Variants in AUH observed in about 807,000 individuals in gnomAD.
AUH encodes methylglutaconyl-CoA hydratase, mitochondrial.
AUH carries 29 observed loss-of-function variants against 42.3 expected under a neutral mutation model. That is an observed-to-expected ratio of 0.69 (90% confidence interval 0.51 to 0.93). The LOEUF is 0.93. Ranked by LOEUF, AUH falls within the 40% of genes least tolerant of loss-of-function variation. AUH has a pLI of 0.00. For synonymous variants in AUH, 174 were observed against 166.4 expected (o/e 1.05, Z -0.35); for missense variants, 452 against 438.1 (o/e 1.03, Z -0.28).
intron 3 of AUH, among the ~76,000 whole-genome samples, chr9:91,338,331 T>C (rs1297851835): frequency 1.3e-5 from 2 of 152,216 alleles, no homozygotes; most frequent in Non-Finnish European, 2.9e-5. Context: ...ATGCAAACTA[T>C]AGTAACACCT....
At position 91,233,072 on chromosome 9, in the gene AUH, A is replaced by C. The variant is rs1347366005; in HGVS notation, c.656-12080T>G. On this transcript the variant is annotated intron_variant, in intron 6 of 9. Coordinates refer to ENST00000375731, the MANE Select transcript of AUH (RefSeq NM_001698.3). Reference sequence around the variant, plus strand: ...GGACCCTGTTTTGGTACATGGATACATCCATGAACAAAACAAAGCCCCTGG... The same window carrying C: ...GGACCCTGTTTTGGTACATGGATACCTCCATGAACAAAACAAAGCCCCTGG... 3.9e-5 allele frequency among the ~76,000 whole-genome samples: 6 copies of C among 152,300 alleles called. No homozygotes were observed. In the South Asian group the frequency reaches 1.2e-3, roughly 32 times the overall value.
At chr9:91,300,364 T>C (rs1399002365) in intron 4 of AUH, among the ~76,000 whole-genome samples, 7 of 152,130 alleles carry the variant, frequency 4.6e-5, no homozygotes, top group African/African-American at 1.4e-4. Flanking sequence ...CCATTTCTTC[T>C]CAATCCTTCT....
intron 4 of AUH, among the ~76,000 whole-genome samples, 173 bp downstream of exon 4, chr9:91,325,145 T>C (rs1829880572): frequency 6.6e-6 from 1 of 152,100 alleles, no homozygotes; most frequent in African/African-American, 2.4e-5. Flanking sequence ...TTATTAAATA[T>C]TTTACATAAT....
chr9:91,218,590 A>G, intron 7 of AUH: 1 of 983,302 alleles, frequency 1.0e-6, no homozygotes, highest in Non-Finnish European at 1.2e-6. Flanking sequence ...CACAGACCAC[A>G]CTTTGGGAAG....
At chr9:91,344,120 C>A (rs1434935467) in intron 3 of AUH, among the ~76,000 whole-genome samples, 2 of 152,170 alleles carry the variant, frequency 1.3e-5, no homozygotes, top group Non-Finnish European at 2.9e-5. Flanking sequence ...ACTGACAGAA[C>A]AGGCCCTTTA....
At chr9:91,287,311 T>C in intron 6 of AUH, among the ~76,000 whole-genome samples, 1 of 152,114 alleles carries the variant, frequency 6.6e-6, no homozygotes, top group East Asian at 1.9e-4. Flanking sequence ...TCTTCTAAAT[T>C]GTCAAGATGA....
chr9:91,307,192 T>C (rs564791331), intron 4 of AUH, among the ~76,000 whole-genome samples: 1 of 152,280 alleles, frequency 6.6e-6, no homozygotes, highest in East Asian at 1.9e-4. Context: ...AAGTCAAAAG[T>C]TACCAAATTG....
chr9:91,296,498 T>C (rs193285322), intron 5 of AUH, among the ~76,000 whole-genome samples: 1 of 152,214 alleles, frequency 6.6e-6, no homozygotes, highest in South Asian at 2.1e-4. Flanking sequence ...ATATCAGATA[T>C]GGCAACTTTT....
chr9:91,349,710 A>G (rs537827300), intron 3 of AUH, among the ~76,000 whole-genome samples: 154 of 150,998 alleles, frequency 1.0e-3, no homozygotes, highest in Middle Eastern at 6.8e-3. Context: ...ACACAGAGAG[A>G]AGAGAGAGGG....
At chr9:91,216,849 C>T (rs996595083) in intron 8 of AUH, among the ~76,000 whole-genome samples, 2 of 152,206 alleles carry the variant, frequency 1.3e-5, no homozygotes, top group African/African-American at 2.4e-5. Context: ...ACCTGCATTG[C>T]GTGTGCCTCC....
intron 4 of AUH, among the ~76,000 whole-genome samples, chr9:91,317,276 A>G (rs1317088493): frequency 6.6e-6 from 1 of 152,208 alleles, no homozygotes; most frequent in African/African-American, 2.4e-5. Flanking sequence ...GTGTAATTAC[A>G]CTGAATTACA....
At chr9:91,249,191 G>C (rs543693659) in intron 6 of AUH, among the ~76,000 whole-genome samples, 3 of 151,322 alleles carry the variant, frequency 2.0e-5, no homozygotes, top group African/African-American at 4.9e-5. Context: ...CAGCTACTTG[G>C]GGGGCTAAGG....
At chr9:91,276,165 A>G (rs998967314) in intron 6 of AUH, among the ~76,000 whole-genome samples, 1 of 152,212 alleles carries the variant, frequency 6.6e-6, no homozygotes, top group African/African-American at 2.4e-5. Flanking sequence ...GCGGTGGCTC[A>G]TGCCTATAAT....
intron 6 of AUH, among the ~76,000 whole-genome samples, chr9:91,230,070 G>A (rs1384490989): frequency 1.3e-5 from 2 of 150,630 alleles, no homozygotes; most frequent in Admixed American, 6.6e-5. Flanking sequence ...TCTTTGTGGC[G>A]TTCTCTGTAT....
intron 7 of AUH, chr9:91,218,845 G>A: frequency 1.0e-6 from 1 of 985,326 alleles, no homozygotes; most frequent in Non-Finnish European, 1.2e-6. Context: ...TAAAAATAAA[G>A]GTGATTCCAC....
At chr9:91,279,332 GA>G (rs1357862030) in intron 6 of AUH, among the ~76,000 whole-genome samples, 2 of 152,102 alleles carry the variant, frequency 1.3e-5, no homozygotes, top group African/African-American at 2.4e-5. Flanking sequence ...ATAATACAGA[GA>G]AATAACTTGT....
intron 4 of AUH, among the ~76,000 whole-genome samples, chr9:91,298,654 T>TGC (rs1403485994): frequency 2.6e-5 from 4 of 152,184 alleles, no homozygotes; most frequent in Admixed American, 6.5e-5. Flanking sequence ...AGAGGCAAGA[T>TGC]GCCCTGAGAA....
At chr9:91,332,326 AC>A (rs1327336365) in intron 3 of AUH, among the ~76,000 whole-genome samples, 2 of 151,910 alleles carry the variant, frequency 1.3e-5, no homozygotes, top group Non-Finnish European at 2.9e-5. Context: ...AAATGGCGAC[AC>A]CCCGACTCTA....
chr9:91,345,698 T>G (rs1001006319), intron 3 of AUH, among the ~76,000 whole-genome samples: 7 of 152,068 alleles, frequency 4.6e-5, no homozygotes, highest in Non-Finnish European at 1.0e-4. Flanking sequence ...CCGGGCGTGG[T>G]GGCGAGCCCC....
Sources: gnomAD v4.1 joint callset for allele counts (sites outside exome capture counted in the v4.1 genomes callset) on GRCh38, gnomAD v4.1.1 for gene constraint, MANE v1.5 for transcripts, NCBI Gene and HGNC (gene_info 2026-07-23, HGNC 2026-07-21) for gene names.